MSN: variants seen among roughly 807,000 people sequenced by gnomAD.
MSN encodes moesin.
In MSN, 2 loss-of-function variants were observed where a neutral mutation model predicts 48.0. The observed-to-expected ratio is 0.04, with a 90% CI of 0.02 to 0.13. The LOEUF (loss-of-function observed/expected upper bound fraction) is 0.13. MSN is among the 10% of genes least tolerant of loss of function. The pLI, the probability that MSN is intolerant of heterozygous loss-of-function variation, is 1.00. For missense variants in MSN, 267 were observed against 470.1 expected, an observed-to-expected ratio of 0.57 and a Z score of 3.99; for synonymous variants, 146 against 166.9, an observed-to-expected ratio of 0.87 and a Z score of 0.97.
At chrX:65,715,157 C>A (rs1423391941) in intron 1 of MSN, among the ~76,000 whole-genome samples, 1 of 111,033 alleles carries the variant, frequency 9.0e-6, no homozygotes, top group Non-Finnish European at 1.9e-5. Flanking sequence ...TCTGGGCTCT[C>A]TATTCTGCTC....
At chrX:65,724,016 C>G (rs1463287855) in intron 2 of MSN, among the ~76,000 whole-genome samples, 1 of 109,865 alleles carries the variant, frequency 9.1e-6, no homozygotes, top group African/African-American at 3.3e-5. Context: ...TCCCTCCCCC[C>G]AGCACTGAGC....
At chrX:65,665,291 T>A (rs1175393253), upstream of MSN, among the ~76,000 whole-genome samples, 2 of 111,712 alleles carry the variant, frequency 1.8e-5, no homozygotes, top group Non-Finnish European at 3.8e-5. Flanking sequence ...TCCTTGAACA[T>A]CTGGTGGAAA....
intron 1 of MSN, among the ~76,000 whole-genome samples, chrX:65,693,779 C>T (rs1396782879): frequency 3.6e-5 from 4 of 112,110 alleles, no homozygotes; most frequent in Non-Finnish European, 5.6e-5. Flanking sequence ...GTGGGCCGGG[C>T]GCAGTGGCTC....
chrX:65,653,948 T>G (rs1278923787), intron 1 of MSN, among the ~76,000 whole-genome samples: 2 of 109,136 alleles, frequency 1.8e-5, no homozygotes, highest in African/African-American at 6.7e-5. Flanking sequence ...TATTTTTTTG[T>G]ATTTTTTGGT....
chrX:65,625,166 T>G (rs2070494122), intron 1 of MSN: 1 of 112,632 alleles, frequency 8.9e-6, no homozygotes, highest in South Asian at 3.6e-4. Context: ...TTTAAAAAAT[T>G]TATTGGGACT....
intron 1 of MSN, among the ~76,000 whole-genome samples, chrX:65,647,454 G>A (rs1033535103): frequency 9.8e-5 from 11 of 112,044 alleles, no homozygotes; most frequent in Non-Finnish European, 1.3e-4. Context: ...CTCGTGATCC[G>A]CCCACCTCGG....
At chrX:65,604,160 G>A (rs1481083633) in intron 1 of MSN, among the ~76,000 whole-genome samples, 1 of 112,214 alleles carries the variant, frequency 8.9e-6, no homozygotes, top group African/African-American at 3.2e-5. Flanking sequence ...TGCAGAGCCA[G>A]GATATAAGCC....
Position 65,667,835 on chromosome X carries a change from C to T in MSN, c.-7C>T. On this transcript the variant is annotated 5_prime_UTR_variant, in exon 1 of 13. Transcript: ENST00000360270. ...ACTTCGCCAACTCCGCTGCCTTTGCCGCCACCATGCCCAAAACGGTGAGTG... is the reference window on the plus strand; with the variant it reads ...ACTTCGCCAACTCCGCTGCCTTTGCTGCCACCATGCCCAAAACGGTGAGTG... 1 of 1,210,654 alleles carries T rather than the reference C, an allele frequency of 8.3e-7. No homozygotes were observed. Among genetic ancestry groups the T allele is most frequent in the African/African-American group, 1.7e-5 (1 of 57,950 alleles).
chrX:65,703,481 C>A (rs1420387381), intron 1 of MSN, among the ~76,000 whole-genome samples: 1 of 111,330 alleles, frequency 9.0e-6, no homozygotes, highest in African/African-American at 3.3e-5. Context: ...TTCCCAGATA[C>A]TAGATTTGGT....
At chrX:65,735,163 G>C (rs1256474062) in intron 7 of MSN, 104 bp from the exon 8 acceptor site, 5 of 931,087 alleles carry the variant, frequency 5.4e-6, no homozygotes, top group Non-Finnish European at 7.5e-6. Context: ...CAGGAGGTCA[G>C]ATTAAATATT....
intron 1 of MSN, among the ~76,000 whole-genome samples, chrX:65,622,435 C>A (rs2070456994): frequency 9.4e-6 from 1 of 106,370 alleles, no homozygotes. Flanking sequence ...GTTTTAATTT[C>A]TTTTTCTTGT....
At chrX:65,712,968 G>A (rs2071428704) in intron 1 of MSN, among the ~76,000 whole-genome samples, 1 of 111,193 alleles carries the variant, frequency 9.0e-6, no homozygotes, top group Non-Finnish European at 1.9e-5. Flanking sequence ...ATAGCAATGT[G>A]ACTTTAGACA....
chrX:65,649,585 A>AT (rs2070723637), intron 1 of MSN, among the ~76,000 whole-genome samples: 3 of 97,903 alleles, frequency 3.1e-5, no homozygotes, highest in African/African-American at 1.2e-4. Context: ...CAAAAAAAAA[A>AT]AAAATATATA....
At position 65,729,647 on chromosome X, in the gene MSN, T is replaced by C. The variant is rs762194075; in HGVS notation, c.402T>C (p.Tyr134=). The part of the protein sequence containing the change: ...LLASYAVQSK[Y]GDFNKEVHKS... ...CCTCGTATGCTGTCCAGTCTAAGTA[T>C]GGCGACTTCAATAAGGAAGTGCATA... Residue 134 remains tyrosine, a synonymous_variant, in exon 4 of 13, where the codon TAT becomes TAC. Transcript: ENST00000360270. 2.5e-6 allele frequency: 3 copies of C among 1,211,825 alleles called. No homozygotes were observed. Among genetic ancestry groups the C allele is most frequent in the Non-Finnish European group, 3.3e-6 (3 of 895,556 alleles).
intron 1 of MSN, among the ~76,000 whole-genome samples, chrX:65,633,044 A>C (rs1052226562): frequency 2.7e-5 from 3 of 111,740 alleles, no homozygotes; most frequent in African/African-American, 9.8e-5. Context: ...AGAGGACAGA[A>C]AGGGCATATT....
intron 1 of MSN, among the ~76,000 whole-genome samples, chrX:65,648,406 A>G (rs2070711398): frequency 9.0e-6 from 1 of 110,892 alleles, no homozygotes; most frequent in African/African-American, 3.3e-5. Context: ...TACAAAAATT[A>G]GCCGGGCGTG....
intron 1 of MSN, among the ~76,000 whole-genome samples, chrX:65,623,650 A>G (rs2070475798): frequency 9.2e-6 from 1 of 109,007 alleles, no homozygotes; most frequent in South Asian, 3.9e-4. Context: ...GTCTCTACTA[A>G]AAATACAAAA....
intron 5 of MSN, 23 bp downstream of exon 5, chrX:65,731,213 G>A (rs201765814): frequency 8.7e-7 from 1 of 1,151,380 alleles, no homozygotes; most frequent in East Asian, 3.0e-5. Flanking sequence ...AAGCAGTGGT[G>A]GGCCCCACTT....
chrX:65,666,566 G>A (rs776295593), upstream of MSN, among the ~76,000 whole-genome samples: 2 of 110,638 alleles, frequency 1.8e-5, no homozygotes, highest in East Asian at 2.8e-4. Flanking sequence ...TGATCAGCCC[G>A]CCTCAGCCTC....
Sources: gnomAD v4.1 joint callset for allele counts (sites outside exome capture counted in the v4.1 genomes callset) on GRCh38, gnomAD v4.1.1 for gene constraint, MANE v1.5 for transcripts, NCBI Gene and HGNC (gene_info 2026-07-23, HGNC 2026-07-21) for gene names.